Variants in FBXO36 observed in about 807,000 individuals in gnomAD.
FBXO36 encodes F-box only protein 36.
FBXO36 carries 18 observed loss-of-function variants against 17.0 expected under a neutral mutation model. That is an observed-to-expected ratio of 1.06 (90% CI 0.73 to 1.57). The LOEUF (loss-of-function observed/expected upper bound fraction) is 1.57. FBXO36 is among the 40% of genes most tolerant of loss of function. The pLI is 0.00. For synonymous variants in FBXO36, 83 were observed against 85.3 expected (o/e 0.97, Z 0.15); for missense variants, 229 against 221.9 (o/e 1.03, Z -0.20).
chr2:229,981,872 G>A (rs995586057), intron 2 of FBXO36, among the ~76,000 whole-genome samples: 3 of 152,126 alleles, frequency 2.0e-5, no homozygotes, highest in Admixed American at 2.0e-4. Context: ...TTTGCAGGCT[G>A]TACAGAAAGC....
intron 1 of FBXO36, among the ~76,000 whole-genome samples, chr2:229,954,138 A>G (rs2077071582): frequency 6.7e-6 from 1 of 150,122 alleles, no homozygotes; most frequent in Non-Finnish European, 1.5e-5. Flanking sequence ...TACTGGGGTT[A>G]TAGGTGTGAG....
Position 229,974,359 on chromosome 2 carries a change from G to A in FBXO36, c.97-1882G>A, listed in dbSNP as rs550212795. Among the ~76,000 whole-genome samples, 8 of 152,324 alleles carry A rather than the reference G, an allele frequency of 5.3e-5. No individual in the cohort carries two copies. In the East Asian group the frequency reaches 1.5e-3, roughly 29 times the overall value. On this transcript the variant is annotated intron_variant, in intron 1 of 3. Coordinates refer to ENST00000283946, the MANE Select transcript of FBXO36 (RefSeq NM_174899.5). ...TTAAATACCTCGGAAGGGCCAGTGG[G>A]AAGCTTATCTGTGTGTGTGACTTAA...
chr2:229,973,592 G>A (rs1239483738), intron 1 of FBXO36, among the ~76,000 whole-genome samples: 1 of 151,150 alleles, frequency 6.6e-6, no homozygotes, highest in African/African-American at 2.4e-5. Context: ...GCCGTGGTGG[G>A]CGCCTGTAAT....
chr2:229,923,979 C>T (rs1333534493), intron 1 of FBXO36, among the ~76,000 whole-genome samples: 1 of 151,002 alleles, frequency 6.6e-6, no homozygotes. Flanking sequence ...CTCTTGATCT[C>T]GTGATCCGCC....
chr2:229,957,348 G>A (rs976188511), intron 1 of FBXO36, among the ~76,000 whole-genome samples: 59 of 152,128 alleles, frequency 3.9e-4, no homozygotes, highest in African/African-American at 1.4e-3. Flanking sequence ...AGGCCAAGGC[G>A]GGCAAATAGC....
At chr2:229,971,085 G>A (rs1040395101) in intron 1 of FBXO36, among the ~76,000 whole-genome samples, 3 of 152,112 alleles carry the variant, frequency 2.0e-5, no homozygotes, top group African/African-American at 7.2e-5. Flanking sequence ...CAGGTGAGGC[G>A]GCTCACGCCT....
intron 3 of FBXO36, among the ~76,000 whole-genome samples, chr2:229,997,894 C>T (rs774785079): frequency 1.3e-5 from 2 of 152,174 alleles, no homozygotes; most frequent in Non-Finnish European, 2.9e-5. Context: ...TGGTCCCTAA[C>T]CCTTCTGTTG....
chr2:229,939,850 G>A lies in FBXO36; in HGVS notation c.96+17241G>A, dbSNP rs1019770662. On this transcript the variant is annotated intron_variant, in intron 1 of 3. Coordinates refer to ENST00000283946, the MANE Select transcript of FBXO36 (RefSeq NM_174899.5). ...TAATCCCAGCACTTTGAGAGGCCAG[G>A]GTGGGCGGATCACCCGAGGTCGGGA... Among the ~76,000 whole-genome samples the A allele has an allele frequency of 2.6e-5, 4 of 152,176 alleles. 1 individual carries two copies. The highest frequency in any genetic ancestry group is 9.7e-5 in the African/African-American group (4 of 41,434).
At chr2:229,989,323 T>G (rs1003515580) in intron 2 of FBXO36, among the ~76,000 whole-genome samples, 6 of 152,224 alleles carry the variant, frequency 3.9e-5, no homozygotes, top group African/African-American at 1.4e-4. Context: ...AATGGCACAA[T>G]TTTGGCTCAC....
chr2:229,983,571 T>A (rs1009176011), intron 2 of FBXO36, among the ~76,000 whole-genome samples: 3 of 152,166 alleles, frequency 2.0e-5, no homozygotes, highest in African/African-American at 7.2e-5. Context: ...CATCCCAAAG[T>A]GCTGGGATTA....
chr2:229,964,456 C>T (rs550671197), intron 1 of FBXO36, among the ~76,000 whole-genome samples: 1 of 152,286 alleles, frequency 6.6e-6, no homozygotes, highest in East Asian at 1.9e-4. Flanking sequence ...CATTTTCTGT[C>T]TGGCTTCTTT....
At chr2:229,968,483 G>C (rs897342267) in intron 1 of FBXO36, among the ~76,000 whole-genome samples, 2 of 151,548 alleles carry the variant, frequency 1.3e-5, no homozygotes, top group African/African-American at 4.8e-5. Context: ...GTTTTGTTTT[G>C]TTGAGACAGG....
At chr2:229,932,196 A>G (rs912386851) in intron 1 of FBXO36, among the ~76,000 whole-genome samples, 8 of 152,106 alleles carry the variant, frequency 5.3e-5, no homozygotes, top group Non-Finnish European at 1.0e-4. Context: ...CCTGACCAAC[A>G]TGGTGAAACC....
chr2:229,984,901 A>G (rs774621480), intron 2 of FBXO36, among the ~76,000 whole-genome samples: 1 of 152,184 alleles, frequency 6.6e-6, no homozygotes, highest in Non-Finnish European at 1.5e-5. Context: ...ATATCTGCAC[A>G]CTTACATGAG....
chr2:229,946,855 A>G (rs1444396884), intron 1 of FBXO36, among the ~76,000 whole-genome samples: 1 of 152,170 alleles, frequency 6.6e-6, no homozygotes, highest in African/African-American at 2.4e-5. Flanking sequence ...TATTAGTCCT[A>G]TTTGCTGTTG....
intron 1 of FBXO36, among the ~76,000 whole-genome samples, chr2:229,939,431 C>T (rs1395430052): frequency 1.3e-5 from 2 of 151,546 alleles, no homozygotes; most frequent in Non-Finnish European, 2.9e-5. Flanking sequence ...CGGTGAAACC[C>T]CATTTCTACT....
intron 3 of FBXO36, among the ~76,000 whole-genome samples, chr2:230,004,315 A>G (rs1414213627): frequency 3.3e-5 from 5 of 152,140 alleles, no homozygotes; most frequent in Non-Finnish European, 5.9e-5. Context: ...ACCCACCTTA[A>G]CAGAGTGTCT....
chr2:229,922,541 T>A lies in FBXO36; in HGVS notation c.28T>A (p.Phe10Ile), dbSNP rs765923907. Reference sequence around the variant, plus strand: ...GGCGTCGTGGCTGCCGGAGACTCTCTTTGAAACTGTAGGACAAGGCCCGCC... The same window carrying A: ...GGCGTCGTGGCTGCCGGAGACTCTCATTGAAACTGTAGGACAAGGCCCGCC... MASWLPETL[F>I]ETVGQGPPPS... is the part of the protein sequence containing the mutation. Residue 10 changes from phenylalanine (F) to isoleucine (I), a missense_variant, in exon 1 of 4, where the codon TTT (phenylalanine) becomes ATT (isoleucine). By Grantham distance (21) the Phe-to-Ile change is conservative. Transcript: ENST00000283946. The A allele has an allele frequency of 1.9e-6, 3 of 1,614,000 alleles. No homozygotes were observed. The highest frequency in any genetic ancestry group is 2.5e-6 in the Non-Finnish European group (3 of 1,179,992).
chr2:229,940,472 G>A (rs908299190), intron 1 of FBXO36, among the ~76,000 whole-genome samples: 5 of 152,180 alleles, frequency 3.3e-5, no homozygotes, highest in African/African-American at 4.8e-5. Context: ...TGTATAACCC[G>A]TGTACATATA....
Sources: gnomAD v4.1 joint callset for allele counts (sites outside exome capture counted in the v4.1 genomes callset) on GRCh38, gnomAD v4.1.1 for gene constraint, MANE v1.5 for transcripts, NCBI Gene and HGNC (gene_info 2026-07-23, HGNC 2026-07-21) for gene names.